The following CSMD2 variants were observed in gnomAD, a reference collection of about 807,000 sequenced individuals.
The protein encoded by CSMD2 is CUB and Sushi multiple domains 2, also known as CUB and sushi domain-containing protein 2.
Under a neutral mutation model 398.5 loss-of-function variants are expected in CSMD2, and 130 were observed. The observed-to-expected ratio is 0.33, with a 90% CI of 0.28 to 0.38. The LOEUF is 0.38. Ranked by LOEUF, CSMD2 falls within the 10% of genes least tolerant of loss-of-function variation. The pLI, the probability that CSMD2 is intolerant of heterozygous loss-of-function variation, is 1.00. For missense variants in CSMD2, 3,829 were observed against 4,764.9 expected, an observed-to-expected ratio of 0.80 and a Z score of 5.78; for synonymous variants, 1,828 against 1,908.5, an observed-to-expected ratio of 0.96 and a Z score of 1.10.
At chr1:33,708,953 A>G in intron 22 of CSMD2, 136 bp downstream of exon 22, 1 of 710,338 alleles carries the variant, frequency 1.4e-6, no homozygotes. Flanking sequence ...TCTTTCTCCC[A>G]GATGAGTGAG....
intron 3 of CSMD2, among the ~76,000 whole-genome samples, chr1:34,025,314 C>A (rs1649499157): frequency 6.6e-6 from 1 of 152,186 alleles, no homozygotes; most frequent in Non-Finnish European, 1.5e-5. Flanking sequence ...TTTCTCCCTG[C>A]TCCCCTTTGG....
chr1:33,660,407 CCA>C (rs1388423034), intron 26 of CSMD2, among the ~76,000 whole-genome samples: 1 of 152,152 alleles, frequency 6.6e-6, no homozygotes, highest in Non-Finnish European at 1.5e-5. Flanking sequence ...AAGGCTGGAT[CCA>C]CGTGGTACAG....
At chr1:33,745,951 C>G (rs1311106177) in intron 13 of CSMD2, among the ~76,000 whole-genome samples, 2 of 152,160 alleles carry the variant, frequency 1.3e-5, no homozygotes, top group African/African-American at 4.8e-5. Flanking sequence ...GATGAAGACA[C>G]TGAGGCACAC....
intron 46 of CSMD2, among the ~76,000 whole-genome samples, chr1:33,585,836 T>C (rs721306): frequency 0.45 from 69,117 of 152,048 alleles, 16,764 homozygotes; most frequent in East Asian, 0.76. Flanking sequence ...TTAACACAAA[T>C]ATGGAGCAAT....
intron 25 of CSMD2, among the ~76,000 whole-genome samples, chr1:33,677,043 G>A (rs1207413066): frequency 6.6e-6 from 1 of 152,184 alleles, no homozygotes; most frequent in Non-Finnish European, 1.5e-5. Context: ...GCAGGACATA[G>A]GCATGGGCAA....
At chr1:33,673,344 T>G (rs183923498) in intron 25 of CSMD2, among the ~76,000 whole-genome samples, 6 of 152,226 alleles carry the variant, frequency 3.9e-5, no homozygotes, top group Middle Eastern at 3.4e-3. Context: ...TGCGTTCAAC[T>G]GTAAGAAAGG....
chr1:33,612,682 G>GTTTTTTT (rs36051513), intron 40 of CSMD2, among the ~76,000 whole-genome samples: 1 of 132,148 alleles, frequency 7.6e-6, no homozygotes. Context: ...TTTTGTGATG[G>GTTTTTTT]TTTTTTTTTT....
In CSMD2 at chr1:33,820,677, C is replaced by T; in HGVS notation, c.1112-121G>A. ...GGTGGAGGCAGAGACAGAATGAGGC[C>T]CTGCTTTGTTGGGGCTGTGTGGGGT... is the stretch of plus-strand genomic sequence containing the variant. On this transcript the variant is annotated intron_variant, in intron 7 of 70. Transcript: ENST00000373381. The T allele has an allele frequency of 1.2e-5, 8 of 693,478 alleles. No homozygotes were observed. The South Asian group carries it at 1.3e-4, about 11-fold the overall frequency. 43.0% of individuals were successfully genotyped at this position (693,478 alleles called of 1,614,324 possible). A position where few individuals can be genotyped will look rare whatever the true frequency, so the allele number is the denominator to read the frequency against.
intron 3 of CSMD2, among the ~76,000 whole-genome samples, chr1:34,030,883 C>T (rs1650325380): frequency 6.6e-6 from 1 of 152,108 alleles, no homozygotes; most frequent in Non-Finnish European, 1.5e-5. Context: ...CTTTTCCTGG[C>T]CCCGGGTCCC....
chr1:33,729,946 T>C (rs1037640883), intron 15 of CSMD2, among the ~76,000 whole-genome samples: 6 of 152,192 alleles, frequency 3.9e-5, no homozygotes, highest in African/African-American at 1.4e-4. Context: ...AGCAATTCTA[T>C]TTCTAGAACT....
At chr1:33,946,587 C>T (rs1482154951) in intron 3 of CSMD2, among the ~76,000 whole-genome samples, 3 of 151,258 alleles carry the variant, frequency 2.0e-5, no homozygotes, top group African/African-American at 7.3e-5. Flanking sequence ...ACAAAGAGGA[C>T]AAAGAGATAC....
At chr1:33,532,673 G>A (rs998512266) in intron 64 of CSMD2, among the ~76,000 whole-genome samples, 2 of 152,228 alleles carry the variant, frequency 1.3e-5, no homozygotes, top group South Asian at 2.1e-4. Context: ...GAATGAAGAA[G>A]AGGGGAAGGG....
chr1:33,931,904 G>A (rs1450317464), intron 4 of CSMD2, among the ~76,000 whole-genome samples: 1 of 152,188 alleles, frequency 6.6e-6, no homozygotes, highest in African/African-American at 2.4e-5. Flanking sequence ...GAGAACTGGG[G>A]CACACCTGCC....
In CSMD2 at chr1:33,864,370, A is replaced by G. The variant is rs1639796910; in HGVS notation, c.921-17374T>C. 5 of 1,613,982 alleles carry G rather than the reference A, an allele frequency of 3.1e-6. No homozygotes were observed. Among genetic ancestry groups the G allele is most frequent in the Admixed American group, 3.3e-5 (2 of 60,010 alleles). ...ATCTCAAAGCATGAAAAGGCCAAAT[A>G]TGAAGCCCTGGCCAAACTCGACAAA... On this transcript the variant is annotated intron_variant, in intron 5 of 70. Transcript: ENST00000373381.
chr1:33,700,608 C>G lies in CSMD2; in HGVS notation c.3642G>C (p.Gly1214=), dbSNP rs1451103843. The G allele has an allele frequency of 6.2e-7, 1 of 1,613,974 alleles. No individual in the cohort carries two copies. Among genetic ancestry groups the G allele is most frequent in the Non-Finnish European group, 8.5e-7 (1 of 1,180,026 alleles). Residue 1214 remains glycine, a synonymous_variant, in exon 23 of 71, where the codon GGG becomes GGC. Transcript: ENST00000373381. The part of the protein sequence containing the change: ...LGVFSHSEMM[G]VTLNSTSSSL... ...TGCTGGATGTGCTGTTCAAAGTCACCCCCATCATCTCAGAATGGCTAAAAA... is the reference window on the plus strand; with the variant it reads ...TGCTGGATGTGCTGTTCAAAGTCACGCCCATCATCTCAGAATGGCTAAAAA...
intron 5 of CSMD2, chr1:33,885,589 G>C: frequency 6.6e-6 from 1 of 152,226 alleles, no homozygotes; most frequent in East Asian, 1.9e-4. Context: ...GCAGGAATGG[G>C]GGTTCTGGGA....
At chr1:34,029,390 G>T (rs1050811600) in intron 3 of CSMD2, among the ~76,000 whole-genome samples, 23 of 152,176 alleles carry the variant, frequency 1.5e-4, no homozygotes, top group African/African-American at 5.5e-4. Context: ...TCAGGTACAG[G>T]TTCAACCCGA....
At position 33,657,959 on chromosome 1, in the gene CSMD2, C is replaced by A; in HGVS notation, c.4434G>T (p.Pro1478=). ...GCTGCTTTGTACCGATGCATGTTGG[C>A]GGGCTGGGCTGCCAGAAGAACCTGT... ...IENRFFWQPS[P]PTCIAPCGGD... Residue 1478 remains proline (P), a synonymous_variant, in exon 27 of 71, where the codon CCG becomes CCT. Transcript: ENST00000373381. 6.2e-7 allele frequency: 1 copy of A among 1,613,346 alleles called. No homozygotes were observed. Among genetic ancestry groups the A allele is most frequent in the Non-Finnish European group, 8.5e-7 (1 of 1,179,476 alleles).
chr1:33,581,046 C>T, intron 47 of CSMD2, 147 bp from the exon 48 acceptor site: 1 of 726,826 alleles, frequency 1.4e-6, no homozygotes, highest in Non-Finnish European at 2.2e-6. Flanking sequence ...CATCCACAGG[C>T]ATTGCTCAAG....
Sources: allele counts gnomAD v4.1 joint callset (sites outside exome capture counted in the v4.1 genomes callset), GRCh38; gene constraint gnomAD v4.1.1; transcripts MANE v1.5; gene names NCBI Gene and HGNC (gene_info 2026-07-23, HGNC 2026-07-21).